The following ASTN2 variants were observed in gnomAD, a reference collection of about 807,000 sequenced individuals.
ASTN2 encodes the protein astrotactin 2.
Under a neutral mutation model 139.8 loss-of-function variants are expected in ASTN2, and 54 were observed. The observed-to-expected ratio is 0.39, with a 90% CI of 0.31 to 0.48. The LOEUF (loss-of-function observed/expected upper bound fraction) is 0.48, where lower values mean the gene tolerates loss of function less well. Among genes scored for constraint, ASTN2 ranks in the 20% least tolerant of loss-of-function variants. ASTN2 has a pLI of 0.95. For synonymous variants in ASTN2, 756 were observed against 719.5 expected (o/e 1.05, Z -0.81); for missense variants, 1,565 against 1,725.1 (o/e 0.91, Z 1.64).
chr9:116,805,880 G>C lies in ASTN2; in HGVS notation c.2208-60C>G, dbSNP rs868238807. 76 of 1,544,616 alleles carry C rather than the reference G, an allele frequency of 4.9e-5. No homozygotes were observed. The Admixed American group carries it at 6.2e-4, about 13-fold the overall frequency. ...CATCCTGAATGCCCCCATTGGGGGT[G>C]ACCTAAAACCAAGGCCTCCTTTCCC... On this transcript the variant is annotated intron_variant, in intron 12 of 22. Transcript: ENST00000313400.
intron 4 of ASTN2, among the ~76,000 whole-genome samples, chr9:117,112,310 A>T (rs1829270707): frequency 6.6e-6 from 1 of 152,086 alleles, no homozygotes; most frequent in Admixed American, 6.5e-5. Flanking sequence ...TTTATATGAA[A>T]GTGCAAGTAA....
At position 117,034,847 on chromosome 9, in the gene ASTN2, A is replaced by T. The variant is rs188021814; in HGVS notation, c.1423+4972T>A. Among the ~76,000 whole-genome samples the T allele has an allele frequency of 1.9e-4, 29 of 152,350 alleles. No individual in the cohort carries two copies. The East Asian group carries it at 5.4e-3, about 28-fold the overall frequency. On this transcript the variant is annotated intron_variant, in intron 6 of 22. Transcript: ENST00000313400. ...CTGATGGCTTTGAAGAAGCCCAGAT[A>T]AAAGAAGGGGTGAGATTTGCCAAGG... is the stretch of plus-strand genomic sequence containing the variant.
chr9:116,859,100 G>A (rs1832813533), intron 11 of ASTN2, among the ~76,000 whole-genome samples: 1 of 152,124 alleles, frequency 6.6e-6, no homozygotes, highest in Admixed American at 6.6e-5. Flanking sequence ...CTTCACAGCT[G>A]GCAACGCTGC....
At chr9:117,406,180 TAC>T (rs1830981519) in intron 1 of ASTN2, among the ~76,000 whole-genome samples, 1 of 152,082 alleles carries the variant, frequency 6.6e-6, no homozygotes, top group African/African-American at 2.4e-5. Flanking sequence ...GCTCACAGGG[TAC>T]ATAGGCAAAC....
intron 17 of ASTN2, among the ~76,000 whole-genome samples, chr9:116,648,978 G>A (rs543830854): frequency 1.3e-5 from 2 of 152,062 alleles, no homozygotes; most frequent in South Asian, 4.2e-4. Flanking sequence ...AGGTTGCAGT[G>A]AGCCAAGATT....
Position 116,733,540 on chromosome 9 carries a change from A to G in ASTN2, c.2397-17T>C. On this transcript the variant is annotated splice_polypyrimidine_tract_variant and intron_variant, in intron 13 of 22. Coordinates refer to ENST00000313400, the MANE Select transcript of ASTN2 (RefSeq NM_001365068.1). ...TTGTTCTCCCTGTGGAGAGGAGCAG[A>G]GAGACTGCCAAATCGAGGAAGTGGA... 1 of 1,614,040 alleles carries G rather than the reference A, an allele frequency of 6.2e-7. No homozygotes were observed. Among genetic ancestry groups the G allele is most frequent in the Non-Finnish European group, 8.5e-7 (1 of 1,179,910 alleles).
At chr9:116,604,683 C>T (rs1291128075) in intron 19 of ASTN2, among the ~76,000 whole-genome samples, 2 of 152,312 alleles carry the variant, frequency 1.3e-5, no homozygotes, top group Non-Finnish European at 1.5e-5. Context: ...CTGCTGCCAC[C>T]ATCCTCTCAG....
At chr9:116,616,154 T>C (rs1415175167) in intron 19 of ASTN2, among the ~76,000 whole-genome samples, 4 of 152,304 alleles carry the variant, frequency 2.6e-5, no homozygotes, top group Admixed American at 6.5e-5. Flanking sequence ...TGATCATGCA[T>C]ACAGAAAACT....
At chr9:117,304,915 T>C (rs1051665796) in intron 1 of ASTN2, among the ~76,000 whole-genome samples, 1 of 152,198 alleles carries the variant, frequency 6.6e-6, no homozygotes, top group African/African-American at 2.4e-5. Context: ...CCTCTTGATT[T>C]TCTCTCTGCA....
intron 19 of ASTN2, among the ~76,000 whole-genome samples, chr9:116,597,709 T>C (rs1343651454): frequency 1.3e-5 from 2 of 151,606 alleles, no homozygotes; most frequent in African/African-American, 4.9e-5. Flanking sequence ...GAGTGAGAGG[T>C]GAGGGGTGGG....
intron 11 of ASTN2, 142 bp downstream of exon 11, chr9:116,863,441 T>C: frequency 3.9e-6 from 4 of 1,020,440 alleles, no homozygotes; most frequent in South Asian, 4.3e-5. Context: ...CAAGGTAGGC[T>C]GGCATACTGA....
At position 116,732,614 on chromosome 9, in the gene ASTN2, T is replaced by G. The variant is rs532271736; in HGVS notation, c.2521+785A>C. Among the ~76,000 whole-genome samples the G allele has an allele frequency of 2.6e-5, 4 of 152,192 alleles. No homozygotes were observed. The South Asian group carries it at 8.3e-4, about 32-fold the overall frequency. On this transcript the variant is annotated intron_variant, in intron 14 of 22. Coordinates refer to ENST00000313400, the MANE Select transcript of ASTN2 (RefSeq NM_001365068.1). Reference sequence around the variant, plus strand: ...AAGGCAGAGTCGAGAACCTCACATCTTAGGAAATTTCTTAAGAAAAGGGTA... The same window carrying G: ...AAGGCAGAGTCGAGAACCTCACATCGTAGGAAATTTCTTAAGAAAAGGGTA...
intron 20 of ASTN2, among the ~76,000 whole-genome samples, chr9:116,482,014 G>A (rs903412246): frequency 6.6e-6 from 1 of 152,186 alleles, no homozygotes; most frequent in African/African-American, 2.4e-5. Flanking sequence ...TCCCACCTGT[G>A]AAATGGGAGA....
At chr9:116,682,597 T>C (rs1410604941) in intron 16 of ASTN2, among the ~76,000 whole-genome samples, 1 of 152,322 alleles carries the variant, frequency 6.6e-6, no homozygotes, top group South Asian at 2.1e-4. Flanking sequence ...TGTGGCACTA[T>C]TCACAATAGC....
chr9:116,509,650 C>T (rs1456376311), intron 19 of ASTN2, among the ~76,000 whole-genome samples: 1 of 151,712 alleles, frequency 6.6e-6, no homozygotes, highest in Admixed American at 6.5e-5. Flanking sequence ...TCCTATTTCT[C>T]CACATCCTCT....
intron 14 of ASTN2, 103 bp from the exon 15 acceptor site, chr9:116,729,199 G>T: frequency 2.4e-6 from 2 of 837,068 alleles, no homozygotes; most frequent in Non-Finnish European, 1.9e-6. Flanking sequence ...ACACCTCTTT[G>T]AAGTACAACT....
chr9:117,360,704 A>G (rs1424646091), intron 1 of ASTN2, among the ~76,000 whole-genome samples: 1 of 152,140 alleles, frequency 6.6e-6, no homozygotes, highest in Non-Finnish European at 1.5e-5. Flanking sequence ...TGAGCAGCCA[A>G]CCTGATTTCA....
chr9:117,321,777 G>C (rs1169459583), intron 1 of ASTN2, among the ~76,000 whole-genome samples: 1 of 152,128 alleles, frequency 6.6e-6, no homozygotes, highest in East Asian at 1.9e-4. Flanking sequence ...AATTATTTGA[G>C]GTGGGCGCTA....
At chr9:117,166,700 C>T (rs143374406) in intron 3 of ASTN2, among the ~76,000 whole-genome samples, 21 of 152,222 alleles carry the variant, frequency 1.4e-4, no homozygotes, top group African/African-American at 4.8e-4. Flanking sequence ...TCTTTCCTGA[C>T]CCTCTGCAGT....
Sources: gnomAD v4.1 joint callset for allele counts (sites outside exome capture counted in the v4.1 genomes callset) on GRCh38, gnomAD v4.1.1 for gene constraint, MANE v1.5 for transcripts, NCBI Gene and HGNC (gene_info 2026-07-23, HGNC 2026-07-21) for gene names.